The following CWF19L2 variants were observed in gnomAD, a reference collection of about 807,000 sequenced individuals.
CWF19L2 encodes the protein CWF19 like cell cycle control factor 2, also known as CWF19-like protein 2.
CWF19L2 carries 98 observed loss-of-function variants against 111.7 expected under a neutral mutation model. That is an observed-to-expected ratio of 0.88 (90% confidence interval 0.75 to 1.04). The LOEUF (loss-of-function observed/expected upper bound fraction) is 1.04. CWF19L2 is among the 50% of genes least tolerant of loss of function. CWF19L2 has a pLI of 0.00. For synonymous variants in CWF19L2, 351 were observed against 342.9 expected (o/e 1.02, Z -0.26); for missense variants, 1,101 against 1,051.4 (o/e 1.05, Z -0.65).
chr11:107,417,158 A>T (rs1164045896), intron 9 of CWF19L2, among the ~76,000 whole-genome samples: 1 of 152,216 alleles, frequency 6.6e-6, no homozygotes, highest in Non-Finnish European at 1.5e-5. Context: ...AGACTACTTA[A>T]AGATCCCTTA....
chr11:107,403,489 G>T (rs1382069893), intron 10 of CWF19L2: 14 of 841,752 alleles, frequency 1.7e-5, no homozygotes, highest in Non-Finnish European at 2.9e-5. Flanking sequence ...TACTATCACT[G>T]GTTCCTTCCT....
Position 107,330,016 on chromosome 11 carries a change from G to A in CWF19L2, c.2443C>T (p.Pro815Ser), listed in dbSNP as rs778866177. 1.9e-6 allele frequency: 3 copies of A among 1,552,442 alleles called. No individual in the cohort carries two copies. In the Admixed American group the frequency reaches 6.0e-5, roughly 31 times the overall value. ...ACAGAGAAGTAAGGTAACCCTCTGGGTACCTAAATAAACAGACAAATCACA... is the reference window on the plus strand; with the variant it reads ...ACAGAGAAGTAAGGTAACCCTCTGGATACCTAAATAAACAGACAAATCACA... Reference protein sequence around the residue: ...LSSKDIRKSVPRGLPYFSVDF... With the variant: ...LSSKDIRKSVSRGLPYFSVDF... Residue 815 changes from proline to serine, a missense_variant, in exon 17 of 18, where the codon CCC becomes TCC. By Grantham distance (74) the Pro-to-Ser change is moderately conservative. Coordinates refer to ENST00000282251, the MANE Select transcript of CWF19L2 (RefSeq NM_152434.3).
chr11:107,440,704 T>C (rs1861608865), intron 5 of CWF19L2, among the ~76,000 whole-genome samples: 1 of 152,046 alleles, frequency 6.6e-6, no homozygotes, highest in Non-Finnish European at 1.5e-5. Flanking sequence ...ATAAATAACT[T>C]CTATAAATCA....
intron 1 of CWF19L2, 32 bp from the exon 2 acceptor site, chr11:107,455,808 G>C: frequency 7.4e-7 from 1 of 1,345,658 alleles, no homozygotes; most frequent in Non-Finnish European, 1.0e-6. Context: ...AGACAAACTG[G>C]CAATTGACCC....
At chr11:107,390,339 T>A in intron 11 of CWF19L2, 128 bp from the exon 12 acceptor site, 1 of 773,774 alleles carries the variant, frequency 1.3e-6, no homozygotes, top group Non-Finnish European at 2.0e-6. Flanking sequence ...TTCCTTCCAG[T>A]TTATCCCTAG....
chr11:107,424,726 C>A (rs1861350794), intron 8 of CWF19L2, among the ~76,000 whole-genome samples: 1 of 151,670 alleles, frequency 6.6e-6, no homozygotes, highest in South Asian at 2.1e-4. Flanking sequence ...TATTTTCTAA[C>A]AAGAATTAAA....
At chr11:107,359,114 C>T (rs887681287) in intron 12 of CWF19L2, among the ~76,000 whole-genome samples, 4 of 152,144 alleles carry the variant, frequency 2.6e-5, no homozygotes, top group Non-Finnish European at 5.9e-5. Flanking sequence ...TTGGACTCAC[C>T]AAAGCCAACT....
intron 10 of CWF19L2, among the ~76,000 whole-genome samples, chr11:107,405,496 G>C (rs1277585746): frequency 3.3e-5 from 5 of 151,968 alleles, no homozygotes; most frequent in African/African-American, 1.2e-4. Flanking sequence ...AACAGGACCT[G>C]GTACTCTTAT....
intron 10 of CWF19L2, among the ~76,000 whole-genome samples, chr11:107,403,060 T>C (rs1164345721): frequency 6.6e-6 from 1 of 151,260 alleles, no homozygotes; most frequent in Non-Finnish European, 1.5e-5. Context: ...TGTGAGAGGA[T>C]GCAAAGGGAT....
chr11:107,342,225 C>G (rs1860015220), intron 14 of CWF19L2, among the ~76,000 whole-genome samples: 1 of 151,926 alleles, frequency 6.6e-6, no homozygotes, highest in African/African-American at 2.4e-5. Context: ...TAAATCTTAA[C>G]ATGTTGTAAT....
Position 107,349,033 on chromosome 11 carries a change from G to T in CWF19L2, c.2106C>A (p.Asn702Lys). ...IGVKVYLCLP[N>K]VRSLTEGHCL... ...AGTGCCCCTCAGTAAGAGACCGTACGTTGGGTAAACATAAATAAACCTATA... is the reference window on the plus strand; with the variant it reads ...AGTGCCCCTCAGTAAGAGACCGTACTTTGGGTAAACATAAATAAACCTATA... The change falls in exon 14 of 18, where the codon AAC becomes AAA. Residue 702 changes from asparagine to lysine, a missense_variant. Coordinates refer to ENST00000282251, the MANE Select transcript of CWF19L2 (RefSeq NM_152434.3). 1.9e-6 allele frequency: 3 copies of T among 1,602,130 alleles called. No individual in the cohort carries two copies. The highest frequency in any genetic ancestry group is 2.6e-6 in the Non-Finnish European group (3 of 1,171,356).
intron 14 of CWF19L2, among the ~76,000 whole-genome samples, 196 bp from the exon 15 acceptor site, chr11:107,336,909 TTCATA>T (rs1448158465): frequency 6.6e-6 from 1 of 152,186 alleles, no homozygotes; most frequent in Admixed American, 6.5e-5. Context: ...ACTATATAAT[TTCATA>T]TATTTAAGCA....
intron 12 of CWF19L2, among the ~76,000 whole-genome samples, chr11:107,385,764 C>A (rs189239364): frequency 7.2e-5 from 11 of 152,242 alleles, no homozygotes; most frequent in Non-Finnish European, 1.3e-4. Flanking sequence ...TCCATCCCCC[C>A]CAGGGGACAT....
chr11:107,430,901 G>A (rs1237469287), intron 7 of CWF19L2, among the ~76,000 whole-genome samples: 3 of 150,782 alleles, frequency 2.0e-5, no homozygotes, highest in East Asian at 1.9e-4. Flanking sequence ...GAATAACTAC[G>A]TAAGATAAAT....
At chr11:107,367,346 T>C (rs1267405215) in intron 12 of CWF19L2, among the ~76,000 whole-genome samples, 1 of 131,258 alleles carries the variant, frequency 7.6e-6, no homozygotes, top group African/African-American at 3.0e-5. Context: ...CAAAGGACTA[T>C]AAATCATGCT....
Position 107,441,550 on chromosome 11 carries a change from C to A in CWF19L2, c.523G>T (p.Glu175Ter). 6.4e-7 allele frequency: 1 copy of A among 1,551,838 alleles called. No homozygotes were observed. The highest frequency in any genetic ancestry group is 8.7e-7 in the Non-Finnish European group (1 of 1,147,232). The change falls in exon 5 of 18, where the codon GAA (glutamate) becomes TAA (stop). Residue 175 changes from glutamate to a stop codon, truncating the protein, a stop_gained. Transcript: ENST00000282251. LOFTEE classifies it high-confidence loss of function. ...TCTTGCTCTATTTTCCTCATAGTTT[C>A]CTTTTCAGCTTTGAGTGATGATGAT... The part of the protein sequence containing the change: ...VSSSSLKAEK[E>*]TMRKIEQEKN...
In CWF19L2 at chr11:107,416,931, A is replaced by G. The variant is rs369770895; in HGVS notation, c.1528-633T>C. The stretch of plus-strand genomic sequence containing the variant: ...TTAACTAATTCCTCTGTACTTTCAA[A>G]GCTCAAACTTTACTTTCTTGCTATC... On this transcript the variant is annotated intron_variant, in intron 9 of 17. Transcript: ENST00000282251. 2.4e-4 allele frequency among the ~76,000 whole-genome samples: 36 copies of G among 152,324 alleles called. No individual in the cohort carries two copies. In the East Asian group the frequency reaches 5.2e-3, roughly 22 times the overall value.
intron 7 of CWF19L2, among the ~76,000 whole-genome samples, chr11:107,432,545 C>T (rs956831115): frequency 4.6e-5 from 7 of 152,106 alleles, no homozygotes; most frequent in African/African-American, 9.6e-5. Flanking sequence ...ATCGTGCCAC[C>T]GCACTCCAGC....
chr11:107,338,929 T>A (rs1247916665), intron 14 of CWF19L2, among the ~76,000 whole-genome samples: 1 of 152,218 alleles, frequency 6.6e-6, no homozygotes, highest in Non-Finnish European at 1.5e-5. Flanking sequence ...TTTGGGTATA[T>A]ACCCAGTAAT....
Sources: allele counts gnomAD v4.1 joint callset (sites outside exome capture counted in the v4.1 genomes callset), GRCh38; gene constraint gnomAD v4.1.1; transcripts MANE v1.5; gene names NCBI Gene and HGNC (gene_info 2026-07-23, HGNC 2026-07-21).